The following PKN2 variants were observed in gnomAD, a reference collection of about 807,000 sequenced individuals.
The protein encoded by PKN2 is protein kinase N2, also known as serine/threonine-protein kinase N2.
PKN2 carries 38 observed loss-of-function variants against 119.1 expected under a neutral mutation model. The ratio of observed to expected loss-of-function variants is 0.32; its 90% CI spans 0.25 to 0.42. PKN2 has a LOEUF of 0.42. PKN2 is among the 10% of genes least tolerant of loss of function. The pLI, the probability that PKN2 is intolerant of heterozygous loss-of-function variation, is 1.00. For missense variants in PKN2, 850 were observed against 1,165.1 expected (o/e 0.73, Z 3.94); for synonymous variants, 390 against 384.9 (o/e 1.01, Z -0.15).
At chr1:88,830,198 A>G (rs1336999310) in intron 19 of PKN2, among the ~76,000 whole-genome samples, 2 of 152,284 alleles carry the variant, frequency 1.3e-5, no homozygotes, top group South Asian at 2.1e-4. Context: ...GCTCCAGAGC[A>G]TATCTAAAGC....
At chr1:88,807,501 TA>T (rs1352950611) in intron 13 of PKN2, 27 bp from the exon 14 acceptor site, 4 of 1,603,068 alleles carry the variant, frequency 2.5e-6, no homozygotes, top group Admixed American at 1.7e-5. Context: ...TTTATTGTCT[TA>T]TTATTAATTG....
Position 88,824,358 on chromosome 1 carries a change from A to G in PKN2, c.2391A>G (p.Lys797=). ...NLLLDTEGFV[K]IADFGLCKEG... ...TGCTAGATACAGAGGGCTTTGTGAA[A>G]ATTGCTGATTTTGGTCTTTGCAAAG... Residue 797 remains lysine, a synonymous_variant, in exon 18 of 22, where the codon AAA becomes AAG. Transcript: ENST00000370521. The G allele has an allele frequency of 1.2e-6, 2 of 1,600,804 alleles. No homozygotes were observed. Among genetic ancestry groups the G allele is most frequent in the Non-Finnish European group, 1.7e-6 (2 of 1,168,452 alleles).
chr1:88,684,636 C>A lies in PKN2; in HGVS notation c.48+8C>A. On this transcript the variant is annotated splice_region_variant and intron_variant, in intron 1 of 21. Transcript: ENST00000370521. ...CTGCTCACGGAACTGCAGGTAAGGG[C>A]CGCGGCCCTGGTGAGAGGCGCTGGC... 6.5e-7 allele frequency: 1 copy of A among 1,549,628 alleles called. No homozygotes were observed. The highest frequency in any genetic ancestry group is 8.7e-7 in the Non-Finnish European group (1 of 1,148,658).
chr1:88,717,159 G>A (rs1285341362), intron 1 of PKN2, among the ~76,000 whole-genome samples: 1 of 152,172 alleles, frequency 6.6e-6, no homozygotes, highest in African/African-American at 2.4e-5. Context: ...TCTGCCAAGA[G>A]ATCAGCTGTT....
chr1:88,720,310 G>A (rs1253074557), intron 1 of PKN2, among the ~76,000 whole-genome samples: 2 of 152,078 alleles, frequency 1.3e-5, no homozygotes, highest in East Asian at 1.9e-4. Flanking sequence ...GTGAGCCACC[G>A]CGCCTGACCA....
intron 1 of PKN2, among the ~76,000 whole-genome samples, chr1:88,700,611 C>T (rs1666734000): frequency 6.6e-6 from 1 of 152,132 alleles, no homozygotes; most frequent in Non-Finnish European, 1.5e-5. Context: ...CCCTTTTTGT[C>T]CAATCACGTT....
At chr1:88,820,222 AT>A (rs1170254916) in intron 16 of PKN2, among the ~76,000 whole-genome samples, 11 of 111,434 alleles carry the variant, frequency 9.9e-5, no homozygotes, top group East Asian at 2.3e-4. Flanking sequence ...ATATATATAT[AT>A]ATATATATAT....
chr1:88,700,158 G>A (rs564655430), intron 1 of PKN2, among the ~76,000 whole-genome samples: 2 of 152,034 alleles, frequency 1.3e-5, no homozygotes, highest in South Asian at 4.1e-4. Flanking sequence ...CCATTGATGG[G>A]CATTTAGGTG....
chr1:88,770,592 C>CTTT, intron 4 of PKN2, 123 bp downstream of exon 4: 2 of 361,874 alleles, frequency 5.5e-6, no homozygotes, highest in Non-Finnish European at 1.0e-5. Flanking sequence ...TTTTTTTTTT[C>CTTT]TTTTTTTTTT....
At chr1:88,755,539 C>T (rs1425889963) in intron 2 of PKN2, among the ~76,000 whole-genome samples, 1 of 152,120 alleles carries the variant, frequency 6.6e-6, no homozygotes, top group African/African-American at 2.4e-5. Flanking sequence ...ACCTTTATGA[C>T]TTCTTGTGAA....
chr1:88,781,032 T>C (rs1478507864), intron 6 of PKN2: 1 of 982,674 alleles, frequency 1.0e-6, no homozygotes, highest in Non-Finnish European at 1.3e-6. Context: ...CTTACAATTC[T>C]TAAGACATTT....
At chr1:88,790,121 C>A (rs1269090088) in intron 8 of PKN2, among the ~76,000 whole-genome samples, 1 of 152,170 alleles carries the variant, frequency 6.6e-6, no homozygotes, top group East Asian at 1.9e-4. Context: ...GGCCTTACAT[C>A]TTTCTGCTCC....
chr1:88,722,113 G>A (rs1028467223), intron 1 of PKN2, among the ~76,000 whole-genome samples: 6 of 152,148 alleles, frequency 3.9e-5, no homozygotes, highest in Admixed American at 1.3e-4. Context: ...GAGCCCTCTT[G>A]TTTAAAGTAC....
intron 3 of PKN2, among the ~76,000 whole-genome samples, chr1:88,761,612 TAAAA>T (rs368283566): frequency 2.0e-4 from 20 of 102,022 alleles, no homozygotes; most frequent in Non-Finnish European, 3.5e-4. Flanking sequence ...CCTGTCTCTT[TAAAA>T]AAAAAAAAAA....
At chr1:88,705,729 C>T (rs1276553556) in intron 1 of PKN2, among the ~76,000 whole-genome samples, 1 of 152,142 alleles carries the variant, frequency 6.6e-6, no homozygotes. Context: ...TCTTTCTCCA[C>T]TGAATTGCCT....
intron 1 of PKN2, among the ~76,000 whole-genome samples, chr1:88,709,953 AAAAAATG>A (rs1280278811): frequency 2.0e-5 from 3 of 152,156 alleles, no homozygotes; most frequent in Non-Finnish European, 4.4e-5. Flanking sequence ...GGGACAGGTA[AAAAAATG>A]ATCCTTAGGA....
At chr1:88,746,429 T>C (rs1197221771) in intron 2 of PKN2, among the ~76,000 whole-genome samples, 2 of 152,012 alleles carry the variant, frequency 1.3e-5, no homozygotes, top group African/African-American at 4.8e-5. Flanking sequence ...ATAATCTTAT[T>C]TAAAAAATGG....
At chr1:88,698,615 A>G (rs1666638064) in intron 1 of PKN2, among the ~76,000 whole-genome samples, 1 of 152,198 alleles carries the variant, frequency 6.6e-6, no homozygotes, top group African/African-American at 2.4e-5. Flanking sequence ...GTACATATGC[A>G]CGGATAAATC....
At chr1:88,699,153 A>C (rs7553139) in intron 1 of PKN2, among the ~76,000 whole-genome samples, 1 of 151,822 alleles carries the variant, frequency 6.6e-6, no homozygotes, top group African/African-American at 2.4e-5. Context: ...TTTCTTAAAC[A>C]CTTTATGAAC....
Sources: gnomAD v4.1 joint callset for allele counts (sites outside exome capture counted in the v4.1 genomes callset) on GRCh38, gnomAD v4.1.1 for gene constraint, MANE v1.5 for transcripts, NCBI Gene and HGNC (gene_info 2026-07-23, HGNC 2026-07-21) for gene names.